WDR72: variants seen among roughly 807,000 people sequenced by gnomAD.
WDR72 encodes the protein WD repeat-containing protein 72.
Under a neutral mutation model 124.2 loss-of-function variants are expected in WDR72, and 120 were observed. The observed-to-expected ratio is 0.97, with a 90% CI of 0.83 to 1.12. The LOEUF (loss-of-function observed/expected upper bound fraction) is 1.12. Among genes scored for constraint, WDR72 ranks in the 50% most tolerant of loss-of-function variants. The pLI, the probability that WDR72 is intolerant of heterozygous loss-of-function variation, is 0.00. For synonymous variants in WDR72, 452 were observed against 441.7 expected (o/e 1.02, Z -0.29); for missense variants, 1,387 against 1,278.8 (o/e 1.08, Z -1.29).
intron 15 of WDR72, among the ~76,000 whole-genome samples, chr15:53,614,427 T>A (rs1471548780): frequency 1.3e-5 from 2 of 152,106 alleles, no homozygotes; most frequent in African/African-American, 4.8e-5. Context: ...GCAGATCAAA[T>A]CTTGAGTGGC....
upstream of WDR72, chr15:53,759,750 C>T (rs1268848889): frequency 6.6e-6 from 1 of 150,992 alleles, no homozygotes; most frequent in Non-Finnish European, 1.5e-5. Context: ...GGTCCTGCCC[C>T]CGCAGCGCGC....
At chr15:53,646,557 T>A (rs1354625598) in intron 14 of WDR72, among the ~76,000 whole-genome samples, 1 of 152,104 alleles carries the variant, frequency 6.6e-6, no homozygotes, top group Non-Finnish European at 1.5e-5. Flanking sequence ...CTGTTTCAGG[T>A]CACCTTGTAT....
chr15:53,737,597 CA>C (rs2140627270), intron 1 of WDR72, among the ~76,000 whole-genome samples: 1 of 152,150 alleles, frequency 6.6e-6, no homozygotes, highest in Non-Finnish European at 1.5e-5. Flanking sequence ...ATAAGTCATT[CA>C]CCAGAAAAGG....
chr15:53,708,731 C>A (rs1353177165), intron 9 of WDR72, among the ~76,000 whole-genome samples: 1 of 152,180 alleles, frequency 6.6e-6, no homozygotes, highest in South Asian at 2.1e-4. Context: ...CATGCACACA[C>A]ATTTTTTATT....
chr15:53,678,183 A>T (rs1449817514), intron 13 of WDR72, among the ~76,000 whole-genome samples: 1 of 152,222 alleles, frequency 6.6e-6, no homozygotes, highest in Non-Finnish European at 1.5e-5. Flanking sequence ...GTTCATATAA[A>T]AGATTAGGAA....
chr15:53,688,634 C>G (rs189065999), intron 13 of WDR72, among the ~76,000 whole-genome samples: 4,083 of 152,220 alleles, frequency 0.027, 100 homozygotes, highest in East Asian at 0.069. Flanking sequence ...AATGGCCATA[C>G]TGCCCCAAGG....
chr15:53,597,563 T>C (rs1479668757), intron 17 of WDR72, among the ~76,000 whole-genome samples: 2 of 152,116 alleles, frequency 1.3e-5, no homozygotes, highest in Non-Finnish European at 2.9e-5. Context: ...AGAGGAGTTT[T>C]TAATTATTTT....
rs796380165 is a variant in WDR72, at chr15:53,668,944, G to C, written c.1766-3176C>G. ...AAAGAGGAAGGAGGAGGAGGAGGAGGAGCAGGAGGAGGAGGAGAAGGAGGA... is the reference window on the plus strand; with the variant it reads ...AAAGAGGAAGGAGGAGGAGGAGGAGCAGCAGGAGGAGGAGGAGAAGGAGGA... On this transcript the variant is annotated intron_variant, in intron 13 of 19. Coordinates refer to ENST00000360509, the MANE Select transcript of WDR72 (RefSeq NM_182758.4). Among the ~76,000 whole-genome samples, 26 of 34,344 alleles carry C rather than the reference G, an allele frequency of 7.6e-4. 1 individual carries two copies. The highest frequency in any genetic ancestry group is 1.3e-3 in the Non-Finnish European group (13 of 10,202). The allele number at this position is 34,344 out of a possible 152,430, so 22.5% of individuals were successfully genotyped here.
At chr15:53,728,753 G>T (rs779692561) in intron 2 of WDR72, among the ~76,000 whole-genome samples, 2 of 152,146 alleles carry the variant, frequency 1.3e-5, no homozygotes, top group Non-Finnish European at 2.9e-5. Flanking sequence ...TAAAGAATTT[G>T]CTGCCACGGG....
chr15:53,682,686 T>C (rs918901181), intron 13 of WDR72, among the ~76,000 whole-genome samples: 3 of 152,186 alleles, frequency 2.0e-5, no homozygotes, highest in Non-Finnish European at 2.9e-5. Flanking sequence ...GCCAGACTCC[T>C]TGCTAAAGCA....
chr15:53,531,094 G>C (rs1892435597), intron 18 of WDR72, among the ~76,000 whole-genome samples: 1 of 152,036 alleles, frequency 6.6e-6, no homozygotes, highest in African/African-American at 2.4e-5. Flanking sequence ...CCATTTTCTA[G>C]TTCTTTGTCA....
At position 53,556,541 on chromosome 15, in the gene WDR72, T is replaced by C. The variant is rs554507069; in HGVS notation, c.3149-33219A>G. Among the ~76,000 whole-genome samples the C allele has an allele frequency of 2.0e-5, 3 of 152,218 alleles. No homozygotes were observed. The East Asian group carries it at 5.8e-4, about 30-fold the overall frequency. On this transcript the variant is annotated intron_variant, in intron 18 of 19. Coordinates refer to ENST00000360509, the MANE Select transcript of WDR72 (RefSeq NM_182758.4). Reference sequence around the variant, plus strand: ...TCACCCATATCACCCAAATCATCCATGTGAAGAAGGCTGACTTGGCATTGA... The same window carrying C: ...TCACCCATATCACCCAAATCATCCACGTGAAGAAGGCTGACTTGGCATTGA...
In WDR72 at chr15:53,702,371, C is replaced by T. The variant is rs757572244; in HGVS notation, c.1349-17G>A. ...GGGGAGAATCTGAAAAACAATGAAA[C>T]ACCAAATAATACAGATGTTATTTTT... On this transcript the variant is annotated splice_polypyrimidine_tract_variant and intron_variant, in intron 11 of 19. Coordinates refer to ENST00000360509, the MANE Select transcript of WDR72 (RefSeq NM_182758.4). 1.3e-6 allele frequency: 2 copies of T among 1,573,396 alleles called. No individual in the cohort carries two copies. The highest frequency in any genetic ancestry group is 2.7e-5 in the African/African-American group (2 of 73,986).
intron 18 of WDR72, among the ~76,000 whole-genome samples, chr15:53,581,045 G>C (rs976232749): frequency 6.8e-6 from 1 of 147,748 alleles, no homozygotes; most frequent in African/African-American, 2.4e-5. Context: ...AATAAACTTG[G>C]AAACCATAAA....
chr15:53,561,871 C>T (rs1469484244), intron 18 of WDR72, among the ~76,000 whole-genome samples: 1 of 151,718 alleles, frequency 6.6e-6, no homozygotes, highest in African/African-American at 2.4e-5. Flanking sequence ...AAGTGTGCAT[C>T]CAGAGATGGG....
At chr15:53,746,615 AG>A (rs1486546076) in intron 1 of WDR72, among the ~76,000 whole-genome samples, 1 of 152,210 alleles carries the variant, frequency 6.6e-6, no homozygotes, top group Non-Finnish European at 1.5e-5. Context: ...TCTTAAGTGG[AG>A]AAGAATCCCA....
intron 14 of WDR72, among the ~76,000 whole-genome samples, chr15:53,648,151 A>G (rs1457472336): frequency 2.0e-5 from 3 of 152,128 alleles, no homozygotes; most frequent in Non-Finnish European, 4.4e-5. Context: ...CAATGTCACT[A>G]GTAGAATAAA....
At chr15:53,691,797 G>C (rs1017609462) in intron 13 of WDR72, among the ~76,000 whole-genome samples, 1 of 152,110 alleles carries the variant, frequency 6.6e-6, no homozygotes, top group African/African-American at 2.4e-5. Context: ...GTCAATTTAG[G>C]GATTTGCCAA....
intron 14 of WDR72, among the ~76,000 whole-genome samples, chr15:53,655,338 G>A (rs575517727): frequency 6.6e-6 from 1 of 150,838 alleles, no homozygotes; most frequent in African/African-American, 2.4e-5. Context: ...ATAGGTCCTT[G>A]GTAATTAACA....
Sources: gnomAD v4.1 joint callset for allele counts (sites outside exome capture counted in the v4.1 genomes callset) on GRCh38, gnomAD v4.1.1 for gene constraint, MANE v1.5 for transcripts, NCBI Gene and HGNC (gene_info 2026-07-23, HGNC 2026-07-21) for gene names.